KMT2E: variants seen among roughly 807,000 people sequenced by gnomAD.
The protein encoded by KMT2E is histone reader KMT2E.
In KMT2E, 30 loss-of-function variants were observed where a neutral mutation model predicts 184.6. The ratio of observed to expected loss-of-function variants is 0.16; its 90% confidence interval spans 0.12 to 0.22. KMT2E has a LOEUF of 0.22. KMT2E is among the 10% of genes least tolerant of loss of function. KMT2E has a pLI of 1.00. For synonymous variants in KMT2E, 815 were observed against 776.5 expected (o/e 1.05, Z -0.82); for missense variants, 2,023 against 2,237.4 (o/e 0.90, Z 1.93).
intron 1 of KMT2E, among the ~76,000 whole-genome samples, chr7:105,034,226 T>C (rs1795542183): frequency 2.0e-5 from 3 of 152,008 alleles, no homozygotes; most frequent in South Asian, 4.1e-4. Flanking sequence ...TCCTGACTAG[T>C]GTGTGTGTGT....
intron 26 of KMT2E, chr7:105,111,154 T>G (rs1224442777): frequency 1.3e-5 from 4 of 312,112 alleles, no homozygotes; most frequent in Admixed American, 4.7e-5. Flanking sequence ...AGGAAATTCA[T>G]AGCCTTGTCA....
chr7:105,070,138 G>A (rs1797222788), intron 6 of KMT2E, among the ~76,000 whole-genome samples: 1 of 151,696 alleles, frequency 6.6e-6, no homozygotes, highest in Non-Finnish European at 1.5e-5. Context: ...AAGTTTCTGT[G>A]AACATTTGTT....
intron 3 of KMT2E, among the ~76,000 whole-genome samples, chr7:105,060,595 T>C (rs1043451155): frequency 2.7e-5 from 4 of 149,598 alleles, no homozygotes; most frequent in African/African-American, 7.4e-5. Flanking sequence ...CTTGGCTAGT[T>C]TTTTTTTTTT....
chr7:105,096,665 A>T (rs1798425125), intron 15 of KMT2E, among the ~76,000 whole-genome samples: 1 of 152,126 alleles, frequency 6.6e-6, no homozygotes, highest in Non-Finnish European at 1.5e-5. Context: ...ATGGTGGGCA[A>T]AAAAGTAGAC....
chr7:105,101,698 A>C lies in KMT2E; in HGVS notation c.1887+109A>C, dbSNP rs532482922. 3.8e-6 allele frequency: 4 copies of C among 1,055,220 alleles called. No homozygotes were observed. The African/African-American group carries it at 5.0e-5, about 13-fold the overall frequency. 65.4% of individuals were successfully genotyped at this position (1,055,220 alleles called of 1,614,324 possible). The stretch of plus-strand genomic sequence containing the variant: ...TAAAATAATGTCTATTAGCTTTTTA[A>C]TAGCATTTTTCAGATCCTATGGGAG... On this transcript the variant is annotated intron_variant, in intron 16 of 26. Coordinates refer to ENST00000311117, the MANE Select transcript of KMT2E (RefSeq NM_182931.3).
rs774810109 is a variant in KMT2E, at chr7:105,112,066, C to G, written c.4310C>G (p.Thr1437Arg). The change falls in exon 27 of 27, where the codon ACA (threonine) becomes AGA (arginine). Residue 1437 changes from threonine to arginine, a missense_variant. By Grantham distance (71) the Thr-to-Arg change is moderately conservative. Coordinates refer to ENST00000311117, the MANE Select transcript of KMT2E (RefSeq NM_182931.3). The stretch of plus-strand genomic sequence containing the variant: ...TCACAAAAGCTGCCTTCTGTGCCAA[C>G]AAAGTTGCACTGTCCTCCATCACCT... ...QLSQKLPSVP[T>R]KLHCPPSPHL... 1.2e-6 allele frequency: 2 copies of G among 1,614,092 alleles called. No individual in the cohort carries two copies. The highest frequency in any genetic ancestry group is 1.7e-6 in the Non-Finnish European group (2 of 1,180,036).
At position 105,112,319 on chromosome 7, in the gene KMT2E, GAC is replaced by G; in HGVS notation, c.4566_4567del (p.Pro1523LeufsTer12). The G allele has an allele frequency of 6.2e-7, 1 of 1,613,682 alleles. No individual in the cohort carries two copies. The highest frequency in any genetic ancestry group is 8.5e-7 in the Non-Finnish European group (1 of 1,179,994). On this transcript the variant is annotated frameshift_variant, in exon 27 of 27. Transcript: ENST00000311117. LOFTEE classifies it high-confidence loss of function. ...CAACTTCTGGAACATTATTTACACA[GAC>G]ACCCTCAGGACAATCTTCAGCAACA... is the stretch of plus-strand genomic sequence containing the variant. ...QATSGTLFTQTPSGQSSATYS... is the reference protein window; with the variant it reads ...QATSGTLFTQXPSGQSSATYS...
chr7:105,108,815 C>A, intron 22 of KMT2E, 127 bp from the exon 23 acceptor site: 1 of 778,642 alleles, frequency 1.3e-6, no homozygotes, highest in Non-Finnish European at 2.0e-6. Context: ...ATTATTTGTT[C>A]AGAATCAATT....
intron 1 of KMT2E, among the ~76,000 whole-genome samples, chr7:105,031,055 G>A (rs1316250426): frequency 6.6e-6 from 1 of 152,098 alleles, no homozygotes; most frequent in Non-Finnish European, 1.5e-5. Context: ...TTTTACTTGC[G>A]ATTAAAGAAT....
At chr7:105,042,951 T>C (rs1795945608) in intron 3 of KMT2E, among the ~76,000 whole-genome samples, 1 of 152,194 alleles carries the variant, frequency 6.6e-6, no homozygotes, top group Admixed American at 6.5e-5. Flanking sequence ...TGTATGTTAT[T>C]GGAGGTCTTA....
In KMT2E at chr7:105,114,545, C is replaced by CA. The variant is rs1442028987; in HGVS notation, c.*1218dup. 4.6e-5 allele frequency among the ~76,000 whole-genome samples: 7 copies of CA among 152,054 alleles called. No homozygotes were observed. The highest frequency in any genetic ancestry group is 1.7e-4 in the African/African-American group (7 of 41,414). ...TAGTTAGTTATTAATTATTAATCTTCAAAAAATTAAAAATTTCCCAGCCTT... is the reference window on the plus strand; with the variant it reads ...TAGTTAGTTATTAATTATTAATCTTCAAAAAAATTAAAAATTTCCCAGCCTT... On this transcript the variant is annotated 3_prime_UTR_variant, in exon 27 of 27. Transcript: ENST00000311117.
intron 13 of KMT2E, among the ~76,000 whole-genome samples, chr7:105,085,608 T>C (rs936882854): frequency 1.3e-5 from 2 of 152,158 alleles, no homozygotes; most frequent in Non-Finnish European, 2.9e-5. Context: ...AATTAAAACA[T>C]TATCCATTGA....
At chr7:105,056,719 A>G (rs936844795) in intron 3 of KMT2E, among the ~76,000 whole-genome samples, 7 of 152,328 alleles carry the variant, frequency 4.6e-5, no homozygotes, top group African/African-American at 1.2e-4. Flanking sequence ...GGAGCTTCAG[A>G]CAGAGTATTT....
chr7:105,023,628 G>A (rs1182883377), intron 1 of KMT2E, among the ~76,000 whole-genome samples: 3 of 151,796 alleles, frequency 2.0e-5, no homozygotes, highest in Non-Finnish European at 4.4e-5. Flanking sequence ...TGTATTTTTA[G>A]TAGAGATGGG....
chr7:105,096,053 G>A (rs537559965), intron 15 of KMT2E, among the ~76,000 whole-genome samples: 8 of 151,920 alleles, frequency 5.3e-5, no homozygotes, highest in Non-Finnish European at 1.0e-4. Context: ...CCACGAGTTC[G>A]AGACCAGACT....
intron 6 of KMT2E, among the ~76,000 whole-genome samples, chr7:105,072,356 C>A (rs1188506383): frequency 6.6e-6 from 1 of 151,934 alleles, no homozygotes; most frequent in African/African-American, 2.4e-5. Flanking sequence ...AAAAAACTTA[C>A]CATTAGGAGG....
At chr7:105,087,222 T>G (rs1584779193) in intron 13 of KMT2E, among the ~76,000 whole-genome samples, 1 of 145,680 alleles carries the variant, frequency 6.9e-6, no homozygotes, top group Non-Finnish European at 1.5e-5. Context: ...TAATATATAT[T>G]ATATAAGCAT....
At chr7:105,106,113 A>T in intron 19 of KMT2E, 110 bp downstream of exon 19, 1 of 1,094,602 alleles carries the variant, frequency 9.1e-7, no homozygotes, top group African/African-American at 1.6e-5. Flanking sequence ...AGAGAAGCAC[A>T]TTGGTGTATA....
chr7:105,049,708 T>C (rs939113959), intron 3 of KMT2E, among the ~76,000 whole-genome samples: 1 of 152,092 alleles, frequency 6.6e-6, no homozygotes, highest in Non-Finnish European at 1.5e-5. Context: ...CTGCCGAACT[T>C]GGCAAAACCC....
Sources: allele counts gnomAD v4.1 joint callset (sites outside exome capture counted in the v4.1 genomes callset), GRCh38; gene constraint gnomAD v4.1.1; transcripts MANE v1.5; gene names NCBI Gene and HGNC (gene_info 2026-07-23, HGNC 2026-07-21).